The following PDZK1 variants were observed in gnomAD, a reference collection of about 807,000 sequenced individuals.
The protein encoded by PDZK1 is Na(+)/H(+) exchange regulatory cofactor NHE-RF3.
In PDZK1, 23 loss-of-function variants were observed where a neutral mutation model predicts 38.1. The ratio of observed to expected loss-of-function variants is 0.60; its 90% confidence interval spans 0.43 to 0.85. PDZK1 has a LOEUF of 0.85. Ranked by LOEUF, PDZK1 falls within the 40% of genes least tolerant of loss-of-function variation. The pLI, the probability that PDZK1 is intolerant of heterozygous loss-of-function variation, is 0.00. For synonymous variants in PDZK1, 98 were observed against 186.2 expected (o/e 0.53, Z 3.86); for missense variants, 297 against 504.3 (o/e 0.59, Z 3.94).
intron 6 of PDZK1, chr1:145,676,242 T>G: frequency 2.1e-5 from 16 of 774,102 alleles, no homozygotes; most frequent in Non-Finnish European, 2.5e-5. Context: ...AAATTACAAT[T>G]AAATCATTCT....
chr1:145,694,673 C>T (rs1035286452), intron 1 of PDZK1, among the ~76,000 whole-genome samples: 3 of 151,350 alleles, frequency 2.0e-5, no homozygotes, highest in African/African-American at 2.4e-5. Flanking sequence ...CCGAGGAGGG[C>T]GGATCATGAG....
At chr1:145,682,924 AAC>A (rs1654409755) in intron 3 of PDZK1, among the ~76,000 whole-genome samples, 1 of 152,060 alleles carries the variant, frequency 6.6e-6, no homozygotes, top group Non-Finnish European at 1.5e-5. Context: ...TCTGGGGAGT[AAC>A]ACAGAGATCT....
chr1:145,693,528 GGAGGCC>G (rs60562147), intron 1 of PDZK1, among the ~76,000 whole-genome samples: 8,794 of 151,884 alleles, frequency 0.058, 828 homozygotes, highest in African/African-American at 0.2. Context: ...CAGCACTTTG[GGAGGCC>G]GAGGCCGAGG....
At chr1:145,691,226 A>C (rs1443955868) in intron 1 of PDZK1, among the ~76,000 whole-genome samples, 1 of 152,222 alleles carries the variant, frequency 6.6e-6, no homozygotes, top group Non-Finnish European at 1.5e-5. Context: ...CTGGTCTTAC[A>C]TGGGAACCTA....
intron 1 of PDZK1, among the ~76,000 whole-genome samples, chr1:145,699,682 C>T (rs909633452): frequency 2.0e-5 from 3 of 152,158 alleles, no homozygotes; most frequent in Non-Finnish European, 4.4e-5. Flanking sequence ...AATAGTTCCC[C>T]ATGATGCAAT....
intron 6 of PDZK1, 148 bp from the exon 7 acceptor site, chr1:145,674,029 AC>A (rs1653377442): frequency 9.5e-7 from 1 of 1,054,796 alleles, no homozygotes; most frequent in Non-Finnish European, 1.3e-6. Context: ...TTCCTCTACT[AC>A]CCCAACCAGG....
chr1:145,681,723 G>A (rs1241373043), intron 4 of PDZK1, among the ~76,000 whole-genome samples: 1 of 119,742 alleles, frequency 8.4e-6, no homozygotes, highest in Non-Finnish European at 1.7e-5. Context: ...AGGGAGTTTG[G>A]AAAAGAAAAG....
At chr1:145,688,685 G>A (rs1263414332) in intron 1 of PDZK1, among the ~76,000 whole-genome samples, 1 of 152,130 alleles carries the variant, frequency 6.6e-6, no homozygotes, top group African/African-American at 2.4e-5. Flanking sequence ...AAAAAGGCAG[G>A]CACAGTGGCT....
chr1:145,679,850 G>A lies in PDZK1; in HGVS notation c.793+1062C>T, dbSNP rs369694460. 3.3e-5 allele frequency among the ~76,000 whole-genome samples: 5 copies of A among 152,282 alleles called. No homozygotes were observed. The East Asian group carries it at 9.6e-4, about 29-fold the overall frequency. The stretch of plus-strand genomic sequence containing the variant: ...TCAAACTCATCAGTCTTGCATAGAA[G>A]TCCCCTTGTCACCTCTCTCCAACCT... On this transcript the variant is annotated intron_variant, in intron 5 of 8. Transcript: ENST00000417171.
chr1:145,691,438 A>G (rs1553703153), intron 1 of PDZK1, among the ~76,000 whole-genome samples: 2 of 152,208 alleles, frequency 1.3e-5, no homozygotes, highest in African/African-American at 2.4e-5. Flanking sequence ...ACTCTGGAAC[A>G]CAGGGCCTAA....
rs782427059 is a variant in PDZK1 at position 145,687,999 on chromosome 1, C to A, written c.23G>T (p.Arg8Leu). The change falls in exon 2 of 9, where the codon CGA (arginine) becomes CTA (leucine). Residue 8 changes from arginine (R) to leucine (L), a missense_variant. Coordinates refer to ENST00000417171, the MANE Select transcript of PDZK1 (RefSeq NM_001201325.2). MTSTFNP[R>L]ECKLSKQEGQ... ...TTCTTGCTTGGACAGTTTACATTCT[C>A]GGGGGTTGAAGGTGGAGGTCATTTC... 6.2e-7 allele frequency: 1 copy of A among 1,612,850 alleles called. No individual in the cohort carries two copies. Among genetic ancestry groups the A allele is most frequent in the Non-Finnish European group, 8.5e-7 (1 of 1,179,704 alleles).
At chr1:145,703,898 G>A (rs587702941) in intron 1 of PDZK1, among the ~76,000 whole-genome samples, 4 of 151,664 alleles carry the variant, frequency 2.6e-5, no homozygotes, top group East Asian at 1.9e-4. Context: ...GTGCGATCTC[G>A]GCTCACTGCA....
intron 3 of PDZK1, among the ~76,000 whole-genome samples, chr1:145,683,621 G>A (rs1654467669): frequency 6.6e-6 from 1 of 152,108 alleles, no homozygotes; most frequent in Non-Finnish European, 1.5e-5. Context: ...AACCATGGGG[G>A]ATACATTCCA....
chr1:145,702,123 G>C (rs1038657421), intron 1 of PDZK1, among the ~76,000 whole-genome samples: 25 of 152,200 alleles, frequency 1.6e-4, no homozygotes, highest in Admixed American at 5.2e-4. Context: ...AGTGATCCCA[G>C]ACCCACTGAG....
At chr1:145,679,428 A>G (rs1414932879) in intron 5 of PDZK1, among the ~76,000 whole-genome samples, 1 of 152,156 alleles carries the variant, frequency 6.6e-6, no homozygotes, top group East Asian at 1.9e-4. Context: ...TGATGCTACC[A>G]TAATACCTTA....
intron 1 of PDZK1, chr1:145,691,721 A>G (rs1201467886): frequency 6.6e-6 from 1 of 152,120 alleles, no homozygotes; most frequent in Non-Finnish European, 1.5e-5. Flanking sequence ...AGTTGGGAGG[A>G]TGGCTTGAAC....
rs1476038029 is a variant in PDZK1, at chr1:145,671,061, A to C, written c.*375T>G. On this transcript the variant is annotated 3_prime_UTR_variant, in exon 9 of 9. Transcript: ENST00000417171. ...ACAATTTTAATAGGCTTATCTGCTAAGATGCTTTTATAAGCAGCTGTCACC... is the reference window on the plus strand; with the variant it reads ...ACAATTTTAATAGGCTTATCTGCTACGATGCTTTTATAAGCAGCTGTCACC... 1.0e-5 allele frequency: 2 copies of C among 195,824 alleles called. No homozygotes were observed. The highest frequency in any genetic ancestry group is 3.2e-4 in the East Asian group (2 of 6,194). 12.1% of individuals were successfully genotyped at this position (195,824 alleles called of 1,614,324 possible).
At chr1:145,686,326 G>A (rs1654767725) in intron 3 of PDZK1, 151 bp downstream of exon 3, 2 of 690,740 alleles carry the variant, frequency 2.9e-6, no homozygotes, top group Non-Finnish European at 5.0e-6. Flanking sequence ...GAGGGAGTGA[G>A]AGACGGAGGG....
At chr1:145,701,552 A>G (rs1553704984) in intron 1 of PDZK1, among the ~76,000 whole-genome samples, 1 of 152,076 alleles carries the variant, frequency 6.6e-6, no homozygotes, top group Non-Finnish European at 1.5e-5. Context: ...AAACAAACCC[A>G]CTAGACTTTT....
Sources: gnomAD v4.1 joint callset for allele counts (sites outside exome capture counted in the v4.1 genomes callset) on GRCh38, gnomAD v4.1.1 for gene constraint, MANE v1.5 for transcripts, NCBI Gene and HGNC (gene_info 2026-07-23, HGNC 2026-07-21) for gene names.